The following NFIB variants were observed in gnomAD, a reference collection of about 807,000 sequenced individuals.
NFIB encodes nuclear factor 1 B-type.
Under a neutral mutation model 61.5 loss-of-function variants are expected in NFIB, and 11 were observed. The ratio of observed to expected loss-of-function variants is 0.18; its 90% CI spans 0.11 to 0.30. The LOEUF is 0.30. Ranked by LOEUF, NFIB falls within the 10% of genes least tolerant of loss-of-function variation. The probability of loss-of-function intolerance (pLI) is 1.00; values close to 1 mark genes in which losing one functional copy is unlikely to be tolerated. For missense variants in NFIB, 471 were observed against 608.9 expected, an observed-to-expected ratio of 0.77 and a Z score of 2.38; for synonymous variants, 260 against 216.5, an observed-to-expected ratio of 1.20 and a Z score of -1.76.
intron 2 of NFIB, among the ~76,000 whole-genome samples, chr9:14,253,997 T>A (rs1438564631): frequency 3.9e-5 from 6 of 152,136 alleles, no homozygotes; most frequent in African/African-American, 1.4e-4. Flanking sequence ...TCTTTTAAAG[T>A]CAGTTAAAAA....
the NFIB span, among the ~76,000 whole-genome samples, chr9:14,457,939 C>A: frequency 2.0e-5 from 3 of 152,164 alleles, no homozygotes; most frequent in Non-Finnish European, 4.4e-5. Context: ...ACCAGAGGTA[C>A]AAGGAGGAGC....
chr9:14,373,973 G>T (rs537751164), intron 1 of NFIB, among the ~76,000 whole-genome samples: 1 of 152,174 alleles, frequency 6.6e-6, no homozygotes, highest in South Asian at 2.1e-4. Context: ...GCAATTATGC[G>T]ATGTGATGAT....
chr9:14,139,159 A>C (rs2041411246), intron 6 of NFIB, among the ~76,000 whole-genome samples: 1 of 152,180 alleles, frequency 6.6e-6, no homozygotes, highest in Non-Finnish European at 1.5e-5. Context: ...AAATGAAAAA[A>C]ATCCCTTGAA....
rs770087219 is a variant in NFIB at position 14,120,655 on chromosome 9, C to A, written c.1061-31G>T. The A allele has an allele frequency of 6.4e-7, 1 of 1,561,602 alleles. No homozygotes were observed. Among genetic ancestry groups the A allele is most frequent in the Non-Finnish European group, 8.7e-7 (1 of 1,156,004 alleles). On this transcript the variant is annotated intron_variant, in intron 7 of 10. Transcript: ENST00000380953. This position sits in a 1 kb window ranked among gnomAD's most constrained non-coding sequence, Gnocchi z 4.4. ...GAAGACAGAAAAGGAAAGATTGACTCATCAGCTGGTTACCTTATTGCTCCA... is the reference window on the plus strand; with the variant it reads ...GAAGACAGAAAAGGAAAGATTGACTAATCAGCTGGTTACCTTATTGCTCCA...
chr9:14,377,149 C>T (rs1023169866), intron 1 of NFIB, among the ~76,000 whole-genome samples: 9 of 152,206 alleles, frequency 5.9e-5, no homozygotes, highest in African/African-American at 2.2e-4. Flanking sequence ...AGTGTTAACA[C>T]ACATACACAT....
At chr9:14,396,342 A>T (rs2061686821) in intron 1 of NFIB, among the ~76,000 whole-genome samples, 1 of 152,178 alleles carries the variant, frequency 6.6e-6, no homozygotes, top group Non-Finnish European at 1.5e-5. Context: ...TGTGGAAACC[A>T]AGAAAGAATA....
At chr9:14,383,945 T>C (rs958128481) in intron 1 of NFIB, among the ~76,000 whole-genome samples, 2 of 152,106 alleles carry the variant, frequency 1.3e-5, no homozygotes, top group East Asian at 3.9e-4. Context: ...TCATCCAATC[T>C]CCTCACAATT....
At position 14,296,985 on chromosome 9, in the gene NFIB, ACTT is replaced by A. The variant is rs1305973635; in HGVS notation, c.562+10001_562+10003del. On this transcript the variant is annotated intron_variant, in intron 2 of 10. Transcript: ENST00000380953. Reference sequence around the variant, plus strand: ...GCCTTTCTCTTTTTCTTCTAACTTCACTTCTTCAACTCCCTACAACACGTGTGT... The same window carrying A: ...GCCTTTCTCTTTTTCTTCTAACTTCACTTCAACTCCCTACAACACGTGTGT... Among the ~76,000 whole-genome samples, 3 of 152,134 alleles carry A rather than the reference ACTT, an allele frequency of 2.0e-5. No homozygotes were observed. In the South Asian group the frequency reaches 6.2e-4, roughly 32 times the overall value.
rs138370056 is a variant in NFIB, at chr9:14,217,689, A to C, written c.563-37909T>G. On this transcript the variant is annotated intron_variant, in intron 2 of 10. Coordinates refer to ENST00000380953, the MANE Select transcript of NFIB (RefSeq NM_001190737.2). ...AAAAAAAAAAAAAAAAAAGACACAA[A>C]CTAAGCAAACTCTAAATTTATATTA... Among the ~76,000 whole-genome samples, 648 of 150,344 alleles carry C rather than the reference A, an allele frequency of 4.3e-3. 2 individuals carry two copies. The highest frequency in any genetic ancestry group is 7.7e-3 in the Non-Finnish European group (519 of 67,454).
chr9:14,512,445 C>CAT, the NFIB span, among the ~76,000 whole-genome samples: 1 of 152,198 alleles, frequency 6.6e-6, no homozygotes, highest in East Asian at 1.9e-4. Context: ...TATTTATAAT[C>CAT]ATAGTAATAA....
At chr9:14,317,137 G>C (rs1174344762), upstream of NFIB, 1 of 152,144 alleles carries the variant, frequency 6.6e-6, no homozygotes, top group East Asian at 1.9e-4. Flanking sequence ...TGAGCCCTGG[G>C]CAAGTGTCTC....
At chr9:14,473,748 T>A in the NFIB span, among the ~76,000 whole-genome samples, 42 of 152,378 alleles carry the variant, frequency 2.8e-4, no homozygotes, top group African/African-American at 9.9e-4. Context: ...ACAAATGCAC[T>A]TGCCTTTAAT....
intron 2 of NFIB, among the ~76,000 whole-genome samples, chr9:14,217,569 A>T (rs1038807585): frequency 6.6e-6 from 1 of 150,470 alleles, no homozygotes; most frequent in Admixed American, 6.7e-5. Flanking sequence ...CTGAGGCAGG[A>T]GAATCACTTG....
At chr9:14,527,824 A>G in the NFIB span, among the ~76,000 whole-genome samples, 2 of 152,288 alleles carry the variant, frequency 1.3e-5, no homozygotes, top group African/African-American at 4.8e-5. Context: ...ATATTCAATT[A>G]CATTTCTAGA....
the NFIB span, among the ~76,000 whole-genome samples, chr9:14,472,854 T>TA: frequency 4.8e-4 from 66 of 136,270 alleles, no homozygotes; most frequent in East Asian, 1.7e-3. Context: ...AAAATAAAAA[T>TA]AAAAAAAAAA....
the NFIB span, among the ~76,000 whole-genome samples, chr9:14,439,823 T>G: frequency 6.6e-6 from 1 of 152,200 alleles, no homozygotes; most frequent in African/African-American, 2.4e-5. Context: ...AAACACGGTG[T>G]AAGGGTTGAA....
chr9:14,110,251 C>G (rs1440723981), intron 10 of NFIB, among the ~76,000 whole-genome samples: 3 of 152,002 alleles, frequency 2.0e-5, no homozygotes, highest in Non-Finnish European at 4.4e-5. Context: ...TATGTAGGCT[C>G]TATTAAAGTT....
chr9:14,109,116 C>T (rs1163842829), intron 10 of NFIB, among the ~76,000 whole-genome samples: 3 of 152,048 alleles, frequency 2.0e-5, no homozygotes, highest in Non-Finnish European at 4.4e-5. Flanking sequence ...ATTAGCAACT[C>T]ACTATGAGGT....
At chr9:14,425,654 G>GGACCAC in the NFIB span, among the ~76,000 whole-genome samples, 1 of 142,866 alleles carries the variant, frequency 7.0e-6, no homozygotes, top group Non-Finnish European at 1.5e-5. Context: ...AGCTTAGATG[G>GGACCAC]GACCACTTAA....
Sources: gnomAD v4.1 joint callset for allele counts (sites outside exome capture counted in the v4.1 genomes callset) on GRCh38, gnomAD v4.1.1 for gene constraint, Gnocchi (gnomAD v3.1) non-coding constraint, MANE v1.5 for transcripts, NCBI Gene and HGNC (gene_info 2026-07-23, HGNC 2026-07-21) for gene names.